The following RAB9A variants were observed in gnomAD, a reference collection of about 807,000 sequenced individuals.
The protein encoded by RAB9A is RAB9A, member RAS oncogene family, also known as ras-related protein Rab-9A.
In RAB9A, 1 loss-of-function variant was observed where a neutral mutation model predicts 10.3. The observed-to-expected ratio is 0.10, with a 90% CI of 0.03 to 0.46. The LOEUF is 0.46. Among genes scored for constraint, RAB9A ranks in the 20% least tolerant of loss-of-function variants. The probability of loss-of-function intolerance (pLI) is 0.96; values close to 1 mark genes in which losing one functional copy is unlikely to be tolerated. For synonymous variants in RAB9A, 39 were observed against 55.2 expected, an observed-to-expected ratio of 0.71 and a Z score of 1.30; for missense variants, 92 against 150.3, an observed-to-expected ratio of 0.61 and a Z score of 2.03.
chrX:13,696,894 G>A (rs1338903035), intron 1 of RAB9A, among the ~76,000 whole-genome samples: 2 of 112,028 alleles, frequency 1.8e-5, no homozygotes, highest in Non-Finnish European at 1.9e-5. Flanking sequence ...CATTGACAAA[G>A]TGACAGTTAC....
At chrX:13,698,491 A>G (rs1424805703) in intron 1 of RAB9A, among the ~76,000 whole-genome samples, 2 of 111,307 alleles carry the variant, frequency 1.8e-5, no homozygotes, top group African/African-American at 6.5e-5. Flanking sequence ...ATAGGACTAG[A>G]TAATTTATTT....
chrX:13,698,279 A>G (rs1331266604), intron 1 of RAB9A, among the ~76,000 whole-genome samples: 1 of 102,236 alleles, frequency 9.8e-6, no homozygotes, highest in East Asian at 3.0e-4. Flanking sequence ...ACATACCTAC[A>G]GAGGTGCCTT....
At position 13,709,008 on chromosome X, in the gene RAB9A, A is replaced by G; in HGVS notation, c.262A>G (p.Ser88Gly). The G allele has an allele frequency of 8.3e-7, 1 of 1,211,542 alleles. No individual in the cohort carries two copies. The highest frequency in any genetic ancestry group is 1.1e-6 in the Non-Finnish European group (1 of 895,488). Residue 88 changes from serine to glycine, a missense_variant, in exon 3 of 3, where the codon AGT (serine) becomes GGT (glycine). Coordinates refer to ENST00000464506, the MANE Select transcript of RAB9A (RefSeq NM_004251.5). ...RGSDCCLLTF[S>G]VDDSQSFQNL... ...TTCTGACTGCTGCCTGCTTACTTTT[A>G]GTGTCGATGATTCACAAAGCTTCCA...
chrX:13,691,046 A>T (rs908475119), intron 1 of RAB9A, among the ~76,000 whole-genome samples: 1 of 111,623 alleles, frequency 9.0e-6, no homozygotes, highest in African/African-American at 3.3e-5. Flanking sequence ...TGCTGCTGAC[A>T]TCTAGTGGGT....
At position 13,708,943 on chromosome X, in the gene RAB9A, A is replaced by G. The variant is rs776240786; in HGVS notation, c.197A>G (p.Gln66Arg). The change falls in exon 3 of 3, where the codon CAG becomes CGG. Residue 66 changes from glutamine (Q) to arginine (R), a missense_variant. Transcript: ENST00000464506. ...ATGCAGATTTGGGACACGGCAGGTCAGGAGCGATTCCGAAGCCTGAGGACA... is the reference window on the plus strand; with the variant it reads ...ATGCAGATTTGGGACACGGCAGGTCGGGAGCGATTCCGAAGCCTGAGGACA... ...VTMQIWDTAG[Q>R]ERFRSLRTPF... The G allele has an allele frequency of 3.3e-6, 4 of 1,212,051 alleles. No homozygotes were observed. Among genetic ancestry groups the G allele is most frequent in the Non-Finnish European group, 4.5e-6 (4 of 895,593 alleles).
chrX:13,695,156 G>A (rs1363584473), intron 1 of RAB9A, among the ~76,000 whole-genome samples: 3 of 112,525 alleles, frequency 2.7e-5, no homozygotes, highest in Middle Eastern at 4.6e-3. Context: ...GTTCTCTGGT[G>A]GGAATCAGCT....
Position 13,710,265 on chromosome X carries a change from ATTCCT to A in RAB9A, c.*916_*920del, listed in dbSNP as rs1233406515. ...AAAGTTTCTTAATTGAAGTTAAAAC[ATTCCT>A]TTATAACACAAGACACAAGCTGACT... On this transcript the variant is annotated 3_prime_UTR_variant, in exon 3 of 3. Transcript: ENST00000464506. 1.6e-5 allele frequency: 2 copies of A among 124,091 alleles called. No individual in the cohort carries two copies. The highest frequency in any genetic ancestry group is 3.2e-5 in the African/African-American group (1 of 31,039). 10.2% of individuals were successfully genotyped at this position (124,091 alleles called of 1,213,427 possible).
At chrX:13,692,318 T>C (rs184982059) in intron 1 of RAB9A, among the ~76,000 whole-genome samples, 120 of 110,830 alleles carry the variant, frequency 1.1e-3, no homozygotes, top group African/African-American at 3.8e-3. Flanking sequence ...GCTAAAAAAA[T>C]AACAATAATT....
In RAB9A at chrX:13,689,293, G is replaced by GCGGGACT. The variant is rs1337140367; in HGVS notation, c.-116+14_-116+20dup. On this transcript the variant is annotated splice_donor_region_variant and intron_variant, in intron 1 of 2. Transcript: ENST00000464506. ...CGTCTTTCGTGTGGCCGCGAGGTGA[G>GCGGGACT]CGGGACTCGGGACTCCTTCGGGACC... is the stretch of plus-strand genomic sequence containing the variant. 1 of 112,983 alleles carries GCGGGACT rather than the reference G, an allele frequency of 8.9e-6. No homozygotes were observed. The highest frequency in any genetic ancestry group is 1.9e-5 in the Non-Finnish European group (1 of 53,314). The allele number at this position is 112,983 out of a possible 1,213,427, so 9.3% of individuals were successfully genotyped here. A position where few individuals can be genotyped will look rare whatever the true frequency, so the allele number is the denominator to read the frequency against.
chrX:13,690,949 A>G (rs746569583), intron 1 of RAB9A, among the ~76,000 whole-genome samples: 127 of 110,978 alleles, frequency 1.1e-3, no homozygotes, highest in African/African-American at 4.1e-3. Context: ...GTAGTTTTCA[A>G]CTGGAAGAGA....
At chrX:13,691,776 G>C (rs1232351693) in intron 1 of RAB9A, among the ~76,000 whole-genome samples, 1 of 107,985 alleles carries the variant, frequency 9.3e-6, no homozygotes, top group Non-Finnish European at 1.9e-5. Context: ...AGCCATTAAA[G>C]TGGACTTAGA....
intron 1 of RAB9A, among the ~76,000 whole-genome samples, chrX:13,695,297 C>A (rs916950406): frequency 6.2e-5 from 7 of 112,104 alleles, no homozygotes; most frequent in Non-Finnish European, 3.8e-5. Flanking sequence ...TTCTTGGTGT[C>A]CTTTTTGGAT....
intron 1 of RAB9A, among the ~76,000 whole-genome samples, chrX:13,690,425 A>G (rs906255115): frequency 1.8e-5 from 2 of 112,074 alleles, no homozygotes; most frequent in African/African-American, 6.5e-5. Flanking sequence ...TTATACTACA[A>G]AGTTTCTCTT....
At chrX:13,702,087 C>T (rs982403691) in intron 1 of RAB9A, among the ~76,000 whole-genome samples, 1 of 111,371 alleles carries the variant, frequency 9.0e-6, no homozygotes, top group African/African-American at 3.3e-5. Flanking sequence ...CTTCTACTCG[C>T]CTCCCTGCTC....
intron 1 of RAB9A, among the ~76,000 whole-genome samples, chrX:13,690,690 A>AT (rs910029662): frequency 4.5e-4 from 49 of 110,109 alleles, no homozygotes; most frequent in Middle Eastern, 4.8e-3. Flanking sequence ...TCTCGAAATT[A>AT]TTTTTTTTTA....
At chrX:13,689,545 C>G (rs369135822) in intron 1 of RAB9A, among the ~76,000 whole-genome samples, 1 of 111,950 alleles carries the variant, frequency 8.9e-6, no homozygotes, top group African/African-American at 3.2e-5. Flanking sequence ...AAGGGAGATA[C>G]AAAAGCCCGG....
intron 1 of RAB9A, among the ~76,000 whole-genome samples, chrX:13,701,063 C>T (rs1056378780): frequency 8.9e-6 from 1 of 112,061 alleles, no homozygotes; most frequent in African/African-American, 3.2e-5. Context: ...TGAGCCATGG[C>T]GCCTGGCCGA....
intron 1 of RAB9A, among the ~76,000 whole-genome samples, chrX:13,703,139 A>G (rs896689377): frequency 8.9e-6 from 1 of 112,543 alleles, no homozygotes; most frequent in Non-Finnish European, 1.9e-5. Context: ...ACCATTTGCA[A>G]TTGCTTATTT....
chrX:13,706,754 AT>A (rs1416243009), intron 2 of RAB9A, among the ~76,000 whole-genome samples: 1 of 110,591 alleles, frequency 9.0e-6, no homozygotes, highest in Non-Finnish European at 1.9e-5. Context: ...ATGTCCCATC[AT>A]TTTTTAATAG....
Sources: gnomAD v4.1 joint callset for allele counts (sites outside exome capture counted in the v4.1 genomes callset) on GRCh38, gnomAD v4.1.1 for gene constraint, MANE v1.5 for transcripts, NCBI Gene and HGNC (gene_info 2026-07-23, HGNC 2026-07-21) for gene names.